Variants in CACNA1H observed in about 807,000 individuals in gnomAD.
CACNA1H encodes calcium voltage-gated channel subunit alpha1 H.
A neutral mutation model predicts 192.5 loss-of-function variants in CACNA1H; 149 were observed. That is an observed-to-expected ratio of 0.77 (90% CI 0.68 to 0.89). The LOEUF (loss-of-function observed/expected upper bound fraction) is 0.89. Among genes scored for constraint, CACNA1H ranks in the 40% least tolerant of loss-of-function variants. The pLI is 0.00. For missense variants in CACNA1H, 4,257 were observed against 3,423.5 expected, an observed-to-expected ratio of 1.24 and a Z score of -6.08; for synonymous variants, 2,202 against 1,475.2, an observed-to-expected ratio of 1.49 and a Z score of -11.29.
In CACNA1H at chr16:1,200,723, C is replaced by T. The variant is rs758285252; in HGVS notation, c.1127C>T (p.Thr376Met). Residue 376 changes from threonine (T) to methionine (M), a missense_variant, in exon 8 of 35, where the codon ACG (threonine) becomes ATG (methionine). By Grantham distance (81) the Thr-to-Met change is moderately conservative. Coordinates refer to ENST00000348261, the MANE Select transcript of CACNA1H (RefSeq NM_021098.3). Reference protein sequence around the residue: ...YAWIAIFQVITLEGWVDIMYY... With the variant: ...YAWIAIFQVIMLEGWVDIMYY... Reference sequence around the variant, plus strand: ...AAGCCACTGCCCCCCCAGGTGATCACGCTGGAAGGCTGGGTGGACATCATG... The same window carrying T: ...AAGCCACTGCCCCCCCAGGTGATCATGCTGGAAGGCTGGGTGGACATCATG... 2.6e-6 allele frequency: 4 copies of T among 1,563,140 alleles called. No homozygotes were observed. Among genetic ancestry groups the T allele is most frequent in the East Asian group, 2.4e-5 (1 of 41,704 alleles).
At chr16:1,212,195 G>GCCCTCCAGC in intron 25 of CACNA1H, 57 bp downstream of exon 25, 1 of 1,532,064 alleles carries the variant, frequency 6.5e-7, no homozygotes, top group Non-Finnish European at 8.7e-7. Flanking sequence ...TGCCCACCGG[G>GCCCTCCAGC]CCCTCCAGCC....
intron 2 of CACNA1H, among the ~76,000 whole-genome samples, chr16:1,177,696 A>G (rs1262506535): frequency 6.6e-6 from 1 of 151,668 alleles, no homozygotes; most frequent in East Asian, 2.0e-4. Context: ...GTCCCAGGGA[A>G]GGGCTGGGCA....
chr16:1,192,985 G>T (rs896847486), intron 2 of CACNA1H, among the ~76,000 whole-genome samples: 1 of 152,084 alleles, frequency 6.6e-6, no homozygotes, highest in African/African-American at 2.4e-5. Context: ...TGGGTAGATG[G>T]GTAAACTGAG....
intron 11 of CACNA1H, among the ~76,000 whole-genome samples, chr16:1,205,584 C>T (rs890408829): frequency 3.3e-5 from 5 of 152,208 alleles, no homozygotes; most frequent in South Asian, 2.1e-4. Flanking sequence ...GCCTCAGGGC[C>T]GAGCGAGAAA....
At chr16:1,199,627 T>A (rs959380179) in intron 6 of CACNA1H, among the ~76,000 whole-genome samples, 8 of 149,570 alleles carry the variant, frequency 5.3e-5, no homozygotes, top group Non-Finnish European at 8.9e-5. Flanking sequence ...GCCCTTGCTC[T>A]GCAGTCTCTC....
At chr16:1,215,651 G>A in intron 30 of CACNA1H, 58 bp downstream of exon 30, 2 of 1,421,246 alleles carry the variant, frequency 1.4e-6, no homozygotes, top group South Asian at 1.2e-5. Flanking sequence ...GTTGCAGGGA[G>A]CGCCTCGCCG....
intron 2 of CACNA1H, among the ~76,000 whole-genome samples, chr16:1,188,859 A>G (rs1220746486): frequency 6.6e-6 from 1 of 152,144 alleles, no homozygotes; most frequent in Non-Finnish European, 1.5e-5. Context: ...GGACAGGCCC[A>G]GGCGAGGCTG....
rs372159580 is a variant in CACNA1H at position 1,200,577 on chromosome 16, C to T, written c.1119+6C>T. 87 of 1,611,314 alleles carry T rather than the reference C, an allele frequency of 5.4e-5. No individual in the cohort carries two copies. Among genetic ancestry groups the T allele is most frequent in the African/African-American group, 3.2e-4 (24 of 75,028 alleles). ...CCTGGATTGCCATCTTCCAGGTGGG[C>T]GGCAAGATGGTGGGACGGGGACCCT... is the stretch of plus-strand genomic sequence containing the variant. On this transcript the variant is annotated splice_donor_region_variant and intron_variant, in intron 7 of 34. Transcript: ENST00000348261.
At chr16:1,162,421 G>A (rs1365959979) in intron 2 of CACNA1H, among the ~76,000 whole-genome samples, 1 of 152,190 alleles carries the variant, frequency 6.6e-6, no homozygotes, top group African/African-American at 2.4e-5. Context: ...GGTGCTTGAC[G>A]CAGTAACAGG....
chr16:1,210,906 T>G lies in CACNA1H; in HGVS notation c.4158T>G (p.Ala1386=). ...ACATTGTCGTGGCCATGGCCTCGGC[T>G]GGTGGCGCCAAGATCCTGGGTGTTC... The part of the protein sequence containing the change: ...LVDIVVAMAS[A]GGAKILGVLR... Residue 1386 remains alanine, a synonymous_variant, in exon 21 of 35, where the codon GCT becomes GCG. Coordinates refer to ENST00000348261, the MANE Select transcript of CACNA1H (RefSeq NM_021098.3). 2 of 1,604,162 alleles carry G rather than the reference T, an allele frequency of 1.2e-6. No individual in the cohort carries two copies. The highest frequency in any genetic ancestry group is 2.2e-5 in the South Asian group (2 of 91,066).
Position 1,195,033 on chromosome 16 carries a change from C to T in CACNA1H, c.361C>T (p.Arg121Trp), listed in dbSNP as rs757347566. 3.7e-6 allele frequency: 6 copies of T among 1,611,110 alleles called. No individual in the cohort carries two copies. In the East Asian group the frequency reaches 6.7e-5, roughly 18 times the overall value. Residue 121 changes from arginine (R) to tryptophan (W), a missense_variant, in exon 3 of 35, where the codon CGG becomes TGG. Arg to Trp is a moderately radical substitution (Grantham distance 101, BLOSUM62 -3). Transcript: ENST00000348261. ...CAACTGCGTGACCCTGGGCATGTTC[C>T]GGCCCTGTGAGGACGTTGAGTGCGG... ...MLNCVTLGMFRPCEDVECGSE... is the reference protein window; with the variant it reads ...MLNCVTLGMFWPCEDVECGSE...
intron 11 of CACNA1H, 79 bp downstream of exon 11, chr16:1,205,344 A>C: frequency 7.1e-7 from 1 of 1,416,698 alleles, no homozygotes. Flanking sequence ...GCAGAGCAAA[A>C]CCCAGAGCAC....
chr16:1,195,372 T>A, intron 3 of CACNA1H, 60 bp from the exon 4 acceptor site: 1 of 1,542,202 alleles, frequency 6.5e-7, no homozygotes, highest in Non-Finnish European at 8.7e-7. Flanking sequence ...GGGGCTGGGG[T>A]TGGGGGTTGT....
At chr16:1,210,995 C>CG (rs1969377107) in intron 21 of CACNA1H, 24 bp downstream of exon 21, 1 of 1,586,954 alleles carries the variant, frequency 6.3e-7, no homozygotes, top group Non-Finnish European at 8.5e-7. Flanking sequence ...CGTGGGCTCC[C>CG]GGGGCAACCT....
chr16:1,189,124 G>A (rs146929213), intron 2 of CACNA1H, among the ~76,000 whole-genome samples: 281 of 152,330 alleles, frequency 1.8e-3, no homozygotes, highest in Admixed American at 3.3e-3. Flanking sequence ...CCAGGGTCCC[G>A]AGGGAAGTGG....
Position 1,219,025 on chromosome 16 carries a change from C to T in CACNA1H, c.5943C>T (p.Ile1981=). The T allele has an allele frequency of 6.5e-7, 1 of 1,550,228 alleles. No individual in the cohort carries two copies. Among genetic ancestry groups the T allele is most frequent in the Non-Finnish European group, 8.7e-7 (1 of 1,146,860 alleles). Residue 1981 remains isoleucine, a synonymous_variant, in exon 34 of 35, where the codon ATC becomes ATT. Coordinates refer to ENST00000348261, the MANE Select transcript of CACNA1H (RefSeq NM_021098.3). ...CAGAGTCCTGTGCCTCCCTCCAGATCCCATTGGCTGTGTCGTCCCCAGCCA... is the reference window on the plus strand; with the variant it reads ...CAGAGTCCTGTGCCTCCCTCCAGATTCCATTGGCTGTGTCGTCCCCAGCCA... ...PPAESCASLQ[I]PLAVSSPARS... is the part of the protein sequence containing the mutation.
At position 1,168,023 on chromosome 16, in the gene CACNA1H, C is replaced by T. The variant is rs190245037; in HGVS notation, c.299+13987C>T. On this transcript the variant is annotated intron_variant, in intron 2 of 34. Coordinates refer to ENST00000348261, the MANE Select transcript of CACNA1H (RefSeq NM_021098.3). ...CGCACCTCTGTCTGCCCTAGGCCTT[C>T]GAGTTGGGGGACATTTTGTAAGGAG... Among the ~76,000 whole-genome samples, 281 of 152,290 alleles carry T rather than the reference C, an allele frequency of 1.8e-3. 1 individual carries two copies. The highest frequency in any genetic ancestry group is 6.4e-3 in the African/African-American group (268 of 41,560).
chr16:1,209,565 C>CAGT (rs1480273258), intron 17 of CACNA1H, 153 bp downstream of exon 17: 4 of 918,540 alleles, frequency 4.4e-6, no homozygotes, highest in Non-Finnish European at 6.5e-6. Context: ...AGGAATCCAG[C>CAGT]AGTGTTCAGG....
rs1047249007 is a variant in CACNA1H, at chr16:1,202,239, A to T, written c.1789A>T (p.Thr597Ser). ...ERARVAHAAA[T>S]AAASLRLATG... ...GGCCCGGGTGGCACATGCCGCAGCC[A>T]CTGCCGCTGCCAGCCTCAGACTGGC... is the stretch of plus-strand genomic sequence containing the variant. The change falls in exon 9 of 35, where the codon ACT (threonine) becomes TCT (serine). Residue 597 changes from threonine (T) to serine (S), a missense_variant. By Grantham distance (58) the Thr-to-Ser change is moderately conservative. Transcript: ENST00000348261. 5 of 1,560,760 alleles carry T rather than the reference A, an allele frequency of 3.2e-6. No individual in the cohort carries two copies. The highest frequency in any genetic ancestry group is 4.3e-6 in the Non-Finnish European group (5 of 1,154,310).
Sources: allele counts gnomAD v4.1 joint callset (sites outside exome capture counted in the v4.1 genomes callset), GRCh38; gene constraint gnomAD v4.1.1; transcripts MANE v1.5; gene names NCBI Gene and HGNC (gene_info 2026-07-23, HGNC 2026-07-21).